Variants in CSGALNACT1 observed in about 807,000 individuals in gnomAD.
The protein encoded by CSGALNACT1 is chondroitin sulfate N-acetylgalactosaminyltransferase 1.
A neutral mutation model predicts 51.0 loss-of-function variants in CSGALNACT1; 52 were observed. The ratio of observed to expected loss-of-function variants is 1.02; its 90% confidence interval spans 0.82 to 1.29. The LOEUF is 1.29. CSGALNACT1 is among the 50% of genes most tolerant of loss of function. The pLI, the probability that CSGALNACT1 is intolerant of heterozygous loss-of-function variation, is 0.00. For synonymous variants in CSGALNACT1, 341 were observed against 254.4 expected, an observed-to-expected ratio of 1.34 and a Z score of -3.24; for missense variants, 935 against 679.2, an observed-to-expected ratio of 1.38 and a Z score of -4.19.
chr8:19,471,497 G>C (rs189164974), intron 4 of CSGALNACT1, among the ~76,000 whole-genome samples: 274 of 152,140 alleles, frequency 1.8e-3, no homozygotes, highest in African/African-American at 6.1e-3. Flanking sequence ...TTCCATTCCT[G>C]TTCTGAAACT....
intron 1 of CSGALNACT1, among the ~76,000 whole-genome samples, chr8:19,690,122 A>G (rs537480172): frequency 6.6e-6 from 1 of 152,348 alleles, no homozygotes; most frequent in South Asian, 2.1e-4. Context: ...CAATCTGGAT[A>G]AAACTTTTTT....
chr8:19,603,179 G>C (rs2050819634), upstream of CSGALNACT1, among the ~76,000 whole-genome samples: 1 of 151,066 alleles, frequency 6.6e-6, no homozygotes, highest in East Asian at 1.9e-4. Flanking sequence ...AGCGCCAAAG[G>C]AAAATTGCTA....
intron 3 of CSGALNACT1, among the ~76,000 whole-genome samples, chr8:19,536,279 G>A (rs556514617): frequency 6.6e-6 from 1 of 152,126 alleles, no homozygotes; most frequent in South Asian, 2.1e-4. Flanking sequence ...TAAAGGCAAG[G>A]GGTATATGGA....
chr8:19,559,272 T>TA (rs1386258712), intron 3 of CSGALNACT1, among the ~76,000 whole-genome samples: 1 of 152,176 alleles, frequency 6.6e-6, no homozygotes. Context: ...ATATAGCTGA[T>TA]AAAATTGAAC....
intron 7 of CSGALNACT1, among the ~76,000 whole-genome samples, chr8:19,419,636 T>G (rs2057562905): frequency 6.6e-6 from 1 of 152,190 alleles, no homozygotes; most frequent in Non-Finnish European, 1.5e-5. Context: ...CCAAAGGTAC[T>G]CCTTTCTCTT....
In CSGALNACT1 at chr8:19,513,436, C is replaced by CTCTCTCTCTCTCTA; in HGVS notation, c.-296-7307_-296-7306insTAGAGAGAGAGAGA. 3.3e-3 allele frequency among the ~76,000 whole-genome samples: 267 copies of CTCTCTCTCTCTCTA among 81,948 alleles called. 2 individuals are homozygous for CTCTCTCTCTCTCTA. The highest frequency in any genetic ancestry group is 6.1e-3 in the Admixed American group (35 of 5,740). 53.8% of individuals were successfully genotyped at this position (81,948 alleles called of 152,430 possible). A position where few individuals can be genotyped will look rare whatever the true frequency, so the allele number is the denominator to read the frequency against. The stretch of plus-strand genomic sequence containing the variant: ...TCTCACTCTCTCTCTCTCTCTCTCT[C>CTCTCTCTCTCTCTA]TATATATATATATATATATATATAT... On this transcript the variant is annotated intron_variant, in intron 3 of 9. Transcript: ENST00000454498.
intron 2 of CSGALNACT1, among the ~76,000 whole-genome samples, chr8:19,597,285 C>CTTTTTTTTTTTTT (rs35177349): frequency 9.3e-5 from 6 of 64,528 alleles, no homozygotes; most frequent in African/African-American, 3.5e-4. Context: ...TATCTTCTTT[C>CTTTTTTTTTTTTT]TTTTTTTTTT....
intron 1 of CSGALNACT1, among the ~76,000 whole-genome samples, chr8:19,703,145 A>G (rs1034822801): frequency 4.6e-5 from 7 of 152,082 alleles, no homozygotes; most frequent in African/African-American, 1.4e-4. Flanking sequence ...ATCTATTACC[A>G]AAATAACCCA....
At chr8:19,728,225 T>C (rs2063506906) in intron 1 of CSGALNACT1, among the ~76,000 whole-genome samples, 1 of 152,134 alleles carries the variant, frequency 6.6e-6, no homozygotes, top group Non-Finnish European at 1.5e-5. Context: ...AATCTAACTG[T>C]GACTCACACA....
At chr8:19,702,641 G>C (rs2061943044) in intron 1 of CSGALNACT1, among the ~76,000 whole-genome samples, 1 of 152,054 alleles carries the variant, frequency 6.6e-6, no homozygotes, top group Non-Finnish European at 1.5e-5. Flanking sequence ...GTTGTCCCCT[G>C]CATGCACCTG....
intron 3 of CSGALNACT1, among the ~76,000 whole-genome samples, chr8:19,586,608 G>A (rs1258595690): frequency 6.6e-6 from 1 of 152,068 alleles, no homozygotes; most frequent in Non-Finnish European, 1.5e-5. Context: ...ATCAAAGGGT[G>A]AGAAACACTG....
intron 4 of CSGALNACT1, among the ~76,000 whole-genome samples, chr8:19,502,401 C>T (rs2076573780): frequency 1.3e-5 from 2 of 152,238 alleles, no homozygotes. Flanking sequence ...CATACCTTCT[C>T]AAGCTTGCGT....
chr8:19,653,351 C>T (rs2057988829), intron 1 of CSGALNACT1, among the ~76,000 whole-genome samples: 1 of 152,168 alleles, frequency 6.6e-6, no homozygotes, highest in Non-Finnish European at 1.5e-5. Flanking sequence ...TTCAGAGGCC[C>T]CACCCTCCTG....
At chr8:19,610,636 C>T (rs1203070187) in intron 1 of CSGALNACT1, among the ~76,000 whole-genome samples, 2 of 152,184 alleles carry the variant, frequency 1.3e-5, no homozygotes, top group African/African-American at 4.8e-5. Flanking sequence ...TTGGCTGGGG[C>T]AGTCCGAGGA....
intron 3 of CSGALNACT1, among the ~76,000 whole-genome samples, chr8:19,516,156 G>A (rs918026981): frequency 1.3e-5 from 2 of 152,052 alleles, no homozygotes; most frequent in Admixed American, 1.3e-4. Flanking sequence ...CATTTACGTT[G>A]GGGCCAGACA....
chr8:19,526,372 G>A (rs1410605129), intron 3 of CSGALNACT1, among the ~76,000 whole-genome samples: 35 of 152,282 alleles, frequency 2.3e-4, no homozygotes, highest in Non-Finnish European at 1.5e-5. Context: ...ATCACAAGGT[G>A]AAGAGAATGA....
chr8:19,485,800 C>T (rs1490163041), intron 4 of CSGALNACT1, among the ~76,000 whole-genome samples: 1 of 83,894 alleles, frequency 1.2e-5, no homozygotes, highest in African/African-American at 4.1e-5. Context: ...GAGTTTCACT[C>T]TTGCTGCCCA....
chr8:19,582,897 C>A (rs988550823), intron 3 of CSGALNACT1, among the ~76,000 whole-genome samples: 1 of 152,096 alleles, frequency 6.6e-6, no homozygotes, highest in African/African-American at 2.4e-5. Context: ...ATGACAGGCT[C>A]ACTTGGAGAA....
At chr8:19,618,363 G>C (rs1266636865) in intron 1 of CSGALNACT1, among the ~76,000 whole-genome samples, 1 of 151,974 alleles carries the variant, frequency 6.6e-6, no homozygotes, top group Non-Finnish European at 1.5e-5. Flanking sequence ...GTAATTGGCA[G>C]GGCCCAGTGG....
Sources: allele counts gnomAD v4.1 joint callset (sites outside exome capture counted in the v4.1 genomes callset), GRCh38; gene constraint gnomAD v4.1.1; transcripts MANE v1.5; gene names NCBI Gene and HGNC (gene_info 2026-07-23, HGNC 2026-07-21).